TBC1D17: variants seen among roughly 807,000 people sequenced by gnomAD.
The protein encoded by TBC1D17 is TBC1 domain family, member 17.
A neutral mutation model predicts 78.8 loss-of-function variants in TBC1D17; 69 were observed. The ratio of observed to expected loss-of-function variants is 0.88; its 90% CI spans 0.72 to 1.07. The LOEUF (loss-of-function observed/expected upper bound fraction) is 1.07, where lower values mean the gene tolerates loss of function less well. Among genes scored for constraint, TBC1D17 ranks in the 50% least tolerant of loss-of-function variants. The probability of loss-of-function intolerance (pLI) is 0.00; values close to 1 mark genes in which losing one functional copy is unlikely to be tolerated. For synonymous variants in TBC1D17, 456 were observed against 358.3 expected, an observed-to-expected ratio of 1.27 and a Z score of -3.08; for missense variants, 957 against 861.0, an observed-to-expected ratio of 1.11 and a Z score of -1.39.
intron 15 of TBC1D17, 129 bp from the exon 16 acceptor site, chr19:49,888,102 A>C (rs2122480561): frequency 7.0e-7 from 1 of 1,427,738 alleles, no homozygotes; most frequent in African/African-American, 1.4e-5. Context: ...TGTCTCGCCC[A>C]GCGCACTTCT....
At chr19:49,879,622 G>A (rs1443906753) in intron 3 of TBC1D17, 2 of 96,582 alleles carry the variant, frequency 2.1e-5, no homozygotes, top group African/African-American at 6.9e-5. Context: ...TTTTTTTTTT[G>A]ACAGTCTCAC....
At chr19:49,880,254 C>T (rs368193484) in intron 3 of TBC1D17, 25 bp from the exon 4 acceptor site, 11 of 1,612,976 alleles carry the variant, frequency 6.8e-6, no homozygotes, top group Non-Finnish European at 9.3e-6. Context: ...TGGCCCCTTA[C>T]TGTCTGCTCC....
intron 5 of TBC1D17, 75 bp downstream of exon 5, chr19:49,881,550 G>A (rs1363974487): frequency 2.8e-6 from 4 of 1,420,912 alleles, no homozygotes; most frequent in East Asian, 2.4e-5. Flanking sequence ...CCTCGGGGCT[G>A]TGAAAGAAAC....
chr19:49,887,469 C>G lies in TBC1D17; in HGVS notation c.1445-7C>G. 1 of 1,613,276 alleles carries G rather than the reference C, an allele frequency of 6.2e-7. No individual in the cohort carries two copies. Among genetic ancestry groups the G allele is most frequent in the Non-Finnish European group, 8.5e-7 (1 of 1,179,530 alleles). On this transcript the variant is annotated splice_polypyrimidine_tract_variant and splice_region_variant and intron_variant, in intron 13 of 16. Coordinates refer to ENST00000221543, the MANE Select transcript of TBC1D17 (RefSeq NM_024682.3). ...CAAGGCTGAGTGGGCTCCATGTCAT[C>G]CCCCAGATTCCCAGGACTCCGGCTC...
Position 49,878,199 on chromosome 19 carries a change from C to T in TBC1D17, c.78C>T (p.Asp26=). 1 of 1,570,312 alleles carries T rather than the reference C, an allele frequency of 6.4e-7. No individual in the cohort carries two copies. The change falls in exon 2 of 17, where the codon GAC becomes GAT. Residue 26 remains aspartate, a synonymous_variant. Transcript: ENST00000221543. ...YLHTSAKKYQ[D]RDSLIAGVIR... ...ACACCAGCGCTAAGAAGTATCAGGA[C>T]CGAGACTCTCTCATCGCTGGTGTCA...
intron 10 of TBC1D17, among the ~76,000 whole-genome samples, 162 bp downstream of exon 10, chr19:49,883,907 G>T (rs1450126218): frequency 6.6e-6 from 1 of 152,156 alleles, no homozygotes; most frequent in Non-Finnish European, 1.5e-5. Context: ...GAATGGCCCT[G>T]GGGGAGCAAG....
rs1246071018 is a variant in TBC1D17 at position 49,887,353 on chromosome 19, G to A, written c.1445-123G>A. 3 of 977,530 alleles carry A rather than the reference G, an allele frequency of 3.1e-6. No homozygotes were observed. In the African/African-American group the frequency reaches 4.8e-5, roughly 16 times the overall value. The allele number at this position is 977,530 out of a possible 1,614,324, so 60.6% of individuals were successfully genotyped here. On this transcript the variant is annotated intron_variant, in intron 13 of 16. Transcript: ENST00000221543. The stretch of plus-strand genomic sequence containing the variant: ...AGGGCTGCTCCTGCCTCACCTCCGA[G>A]GTTCCCCAGCCAGGCATAAGTCACT...
In TBC1D17 at chr19:49,888,251, G is replaced by T; in HGVS notation, c.1680G>T (p.Met560Ile). Residue 560 changes from methionine to isoleucine, a missense_variant, in exon 16 of 17, where the codon ATG becomes ATT. By Grantham distance (10) the Met-to-Ile change is conservative. Transcript: ENST00000221543. ...EILKHINELT[M>I]KLSVEDVLTR... The stretch of plus-strand genomic sequence containing the variant: ...CGCAGCACATCAACGAGCTGACTAT[G>T]AAGCTGAGCGTGGAGGACGTGCTGA... 1 of 1,590,342 alleles carries T rather than the reference G, an allele frequency of 6.3e-7. No individual in the cohort carries two copies. The highest frequency in any genetic ancestry group is 2.3e-5 in the East Asian group (1 of 43,890).
chr19:49,882,026 C>T lies in TBC1D17; in HGVS notation c.528-15C>T, dbSNP rs201034923. On this transcript the variant is annotated splice_polypyrimidine_tract_variant and intron_variant, in intron 5 of 16. Transcript: ENST00000221543. ...CTACCTGTGCATCACCTGTGCGTCA[C>T]CTCCCGCCTCCCAGCTCCCCGCAGG... 93 of 1,608,546 alleles carry T rather than the reference C, an allele frequency of 5.8e-5. No homozygotes were observed. In the African/African-American group the frequency reaches 1.2e-3, roughly 20 times the overall value.
chr19:49,877,861 A>G, intron 1 of TBC1D17, 117 bp downstream of exon 1: 1 of 1,293,006 alleles, frequency 7.7e-7, no homozygotes, highest in Non-Finnish European at 1.1e-6. Context: ...GCAAACACCG[A>G]TCTCTTATAA....
intron 1 of TBC1D17, 173 bp from the exon 2 acceptor site, chr19:49,877,956 TGCCCCCTGTGGAAC>T (rs1323015918): frequency 3.0e-6 from 2 of 670,082 alleles, no homozygotes; most frequent in African/African-American, 3.9e-5. Flanking sequence ...CCTTGAGCCC[TGCCCCCTGTGGAAC>T]GCACGTCAGC....
intron 10 of TBC1D17, 112 bp from the exon 11 acceptor site, chr19:49,884,141 C>A: frequency 1.0e-6 from 1 of 985,978 alleles, no homozygotes; most frequent in Non-Finnish European, 1.6e-6. Context: ...CAGAGCAAAC[C>A]CCGAGGCTGG....
In TBC1D17 at chr19:49,883,471, A is replaced by G. The variant is rs571393720; in HGVS notation, c.1032-180A>G. 7.2e-5 allele frequency among the ~76,000 whole-genome samples: 11 copies of G among 152,224 alleles called. No homozygotes were observed. The East Asian group carries it at 1.2e-3, about 16-fold the overall frequency. On this transcript the variant is annotated intron_variant, in intron 9 of 16. Coordinates refer to ENST00000221543, the MANE Select transcript of TBC1D17 (RefSeq NM_024682.3). ...CAAAAGGCCACAAGGCTATGTAGTG[A>G]GAGATGCCAGGAAGGTGAAGTGTAA...
chr19:49,879,752 A>T (rs1213778376), intron 3 of TBC1D17, among the ~76,000 whole-genome samples: 1 of 151,636 alleles, frequency 6.6e-6, no homozygotes. Flanking sequence ...GCTGTGTAGC[A>T]TGGACCTCCC....
chr19:49,888,537 C>G lies in TBC1D17; in HGVS notation c.1860C>G (p.Thr620=). 1.3e-6 allele frequency: 2 copies of G among 1,536,618 alleles called. No homozygotes were observed. Among genetic ancestry groups the G allele is most frequent in the South Asian group, 1.2e-5 (1 of 84,090 alleles). Residue 620 remains threonine, a synonymous_variant, in exon 17 of 17, where the codon ACC becomes ACG. Transcript: ENST00000221543. The part of the protein sequence containing the change: ...LPLSPTRAPP[T]PPPSTDTAPQ... ...TGTCGCCCACCCGGGCCCCGCCCAC[C>G]CCGCCGCCCTCCACGGACACAGCCC...
chr19:49,883,426 G>T (rs1224328264), intron 9 of TBC1D17, among the ~76,000 whole-genome samples: 2 of 152,310 alleles, frequency 1.3e-5, no homozygotes, highest in South Asian at 2.1e-4. Context: ...CCTGTCCAGT[G>T]GGGGGTGACA....
At position 49,878,257 on chromosome 19, in the gene TBC1D17, G is replaced by A; in HGVS notation, c.120+16G>A. The A allele has an allele frequency of 1.3e-6, 2 of 1,552,556 alleles. No homozygotes were observed. Among genetic ancestry groups the A allele is most frequent in the Non-Finnish European group, 8.7e-7 (1 of 1,147,142 alleles). ...CGTGGAAAAGGTGCGCTGGGAGGGA[G>A]CAGGGCTCGGACCCGCTCCGAGCGG... On this transcript the variant is annotated intron_variant, in intron 2 of 16. Transcript: ENST00000221543.
In TBC1D17 at chr19:49,881,398, C is replaced by T. The variant is rs2075011429; in HGVS notation, c.450C>T (p.Ser150=). Residue 150 remains serine, a synonymous_variant, in exon 5 of 17, where the codon TCC becomes TCT. Coordinates refer to ENST00000221543, the MANE Select transcript of TBC1D17 (RefSeq NM_024682.3). ...TTCTGGTGACCCAGGCTGGAGGTTC[C>T]CTGCCCGCACTGCACTTCCACCGCG... is the stretch of plus-strand genomic sequence containing the variant. The part of the protein sequence containing the change: ...YLVLVTQAGG[S]LPALHFHRGG... 1 of 1,613,128 alleles carries T rather than the reference C, an allele frequency of 6.2e-7. No homozygotes were observed. Among genetic ancestry groups the T allele is most frequent in the East Asian group, 2.2e-5 (1 of 44,874 alleles).
At chr19:49,884,637 C>T (rs749217340) in intron 12 of TBC1D17, 22 bp from the exon 13 acceptor site, 4 of 1,613,550 alleles carry the variant, frequency 2.5e-6, no homozygotes, top group African/African-American at 1.3e-5. Flanking sequence ...TCTGCTCTTT[C>T]CCCCCTCCTT....
Sources: gnomAD v4.1 joint callset for allele counts (sites outside exome capture counted in the v4.1 genomes callset) on GRCh38, gnomAD v4.1.1 for gene constraint, MANE v1.5 for transcripts, NCBI Gene and HGNC (gene_info 2026-07-23, HGNC 2026-07-21) for gene names.